Variants in WFDC5 observed in about 807,000 individuals in gnomAD.
The protein encoded by WFDC5 is WAP four-disulfide core domain protein 5.
Under a neutral mutation model 15.7 loss-of-function variants are expected in WFDC5, and 15 were observed. The ratio of observed to expected loss-of-function variants is 0.96; its 90% confidence interval spans 0.64 to 1.47. The LOEUF (loss-of-function observed/expected upper bound fraction) is 1.47. Among genes scored for constraint, WFDC5 ranks in the 40% most tolerant of loss-of-function variants. WFDC5 has a pLI of 0.00. For synonymous variants in WFDC5, 109 were observed against 107.7 expected (o/e 1.01, Z -0.07); for missense variants, 280 against 258.0 (o/e 1.09, Z -0.59).
intron 1 of WFDC5, among the ~76,000 whole-genome samples, chr20:45,112,688 A>G (rs912937388): frequency 2.6e-5 from 4 of 152,368 alleles, no homozygotes; most frequent in African/African-American, 9.6e-5. Flanking sequence ...ATACACACAT[A>G]GTCAAATACA....
exon 3 of WFDC5, chr20:45,110,428 G>A (rs145123781): frequency 7.6e-5 from 122 of 1,610,248 alleles, no homozygotes; most frequent in East Asian, 2.2e-4. Flanking sequence ...AATCCCGCCC[G>A]CAGGCGCTGT....
chr20:45,109,741 G>T, exon 4 of WFDC5: 1 of 718,566 alleles, frequency 1.4e-6, no homozygotes. Flanking sequence ...GTTAGGAAGG[G>T]TGGGAAGCTC....
At chr20:45,114,013 G>A (rs1047470529) in intron 1 of WFDC5, among the ~76,000 whole-genome samples, 1 of 152,176 alleles carries the variant, frequency 6.6e-6, no homozygotes, top group African/African-American at 2.4e-5. Context: ...GTCAGTCTTT[G>A]ACCTTGTTAA....
At chr20:45,111,199 T>C (rs143551330) in intron 1 of WFDC5, among the ~76,000 whole-genome samples, 6 of 152,264 alleles carry the variant, frequency 3.9e-5, no homozygotes, top group African/African-American at 1.2e-4. Flanking sequence ...TCCATGCGCC[T>C]GGTCAGCTCA....
intron 1 of WFDC5, among the ~76,000 whole-genome samples, chr20:45,113,466 G>A (rs1981675488): frequency 6.6e-6 from 1 of 152,232 alleles, no homozygotes; most frequent in Non-Finnish European, 1.5e-5. Context: ...CTTTGCCTCT[G>A]AGCAGCTGGG....
intron 3 of WFDC5, 62 bp from the exon 4 acceptor site, chr20:45,110,075 G>A (rs2145523437): frequency 6.3e-7 from 1 of 1,577,922 alleles, no homozygotes; most frequent in South Asian, 1.2e-5. Context: ...TTCTGGCCTT[G>A]GTCTCCCATC....
exon 4 of WFDC5, chr20:45,109,778 G>T (rs533983315): frequency 2.8e-6 from 2 of 723,026 alleles, no homozygotes; most frequent in Non-Finnish European, 5.1e-6. Context: ...GAGTACTGGG[G>T]TGATACAGAG....
rs751677563 is a variant in WFDC5, at chr20:45,114,983, G to A, written c.85+16C>T. 1.9e-6 allele frequency: 3 copies of A among 1,612,572 alleles called. No homozygotes were observed. Among genetic ancestry groups the A allele is most frequent in the African/African-American group, 2.7e-5 (2 of 74,886 alleles). On this transcript the variant is annotated intron_variant, in intron 1 of 3. Transcript: ENST00000307971. The stretch of plus-strand genomic sequence containing the variant: ...GACAATCTGGTCCCCCCAGCAGAGG[G>A]ATTTCCCGCACTCACCTCCCTTCTT...
chr20:45,110,867 C>A, intron 1 of WFDC5, 92 bp from the exon 2 acceptor site: 4 of 1,541,098 alleles, frequency 2.6e-6, no homozygotes, highest in Non-Finnish European at 3.5e-6. Context: ...AATTCTCCAT[C>A]CCTTGCTTTT....
exon 4 of WFDC5, chr20:45,109,755 T>G: frequency 1.4e-6 from 1 of 719,324 alleles, no homozygotes; most frequent in East Asian, 2.7e-5. Flanking sequence ...GAAGCTCGTA[T>G]GGCAGTGGTG....
At chr20:45,110,758 G>A in exon 2 of WFDC5, 1 of 1,614,092 alleles carries the variant, frequency 6.2e-7, no homozygotes, top group Non-Finnish European at 8.5e-7. Context: ...TCATCTGGCG[G>A]GCAGCCCCCC....
chr20:45,110,891 G>A, intron 1 of WFDC5, 116 bp from the exon 2 acceptor site: 1 of 1,395,428 alleles, frequency 7.2e-7, no homozygotes, highest in Non-Finnish European at 9.7e-7. Context: ...CTGTCTTTTG[G>A]CTAGTTGTTA....
chr20:45,114,858 CACAT>C, intron 1 of WFDC5, 137 bp downstream of exon 1: 1 of 803,742 alleles, frequency 1.2e-6, no homozygotes, highest in South Asian at 1.8e-5. Flanking sequence ...CAGGCATCCA[CACAT>C]ACACACACGC....
At chr20:45,109,616 A>G (rs1245067217) in exon 4 of WFDC5, 1 of 627,944 alleles carries the variant, frequency 1.6e-6, no homozygotes, top group Non-Finnish European at 2.9e-6. Context: ...ATGTTTGGAA[A>G]ACTCTGCAAG....
chr20:45,110,155 A>G (rs1296453452), intron 3 of WFDC5, 142 bp from the exon 4 acceptor site: 21 of 1,316,960 alleles, frequency 1.6e-5, no homozygotes, highest in Non-Finnish European at 1.8e-5. Flanking sequence ...AAGGGCAAAC[A>G]GAAGCCCAGA....
chr20:45,114,945 C>G, intron 1 of WFDC5, 54 bp downstream of exon 1: 4 of 1,591,290 alleles, frequency 2.5e-6, no homozygotes, highest in South Asian at 1.1e-5. Context: ...CTTACTCTCC[C>G]TAGAGAAGTA....
chr20:45,110,688 G>T (rs753722016), exon 2 of WFDC5: 2 of 1,614,180 alleles, frequency 1.2e-6, no homozygotes, highest in Non-Finnish European at 1.7e-6. Context: ...GCACTTCCTG[G>T]TCAAGGGACA....
At chr20:45,113,802 A>G (rs6017492) in intron 1 of WFDC5, among the ~76,000 whole-genome samples, 3,880 of 148,750 alleles carry the variant, frequency 0.026, 127 homozygotes, top group African/African-American at 0.079. Context: ...GGTAAAGTGA[A>G]TCTTTCTGAT....
chr20:45,116,252 G>A (rs1981757010), upstream of WFDC5, among the ~76,000 whole-genome samples: 1 of 152,096 alleles, frequency 6.6e-6, no homozygotes, highest in African/African-American at 2.4e-5. Context: ...TGTCTTCTAA[G>A]CTATTAAGAT....
Sources: allele counts gnomAD v4.1 joint callset (sites outside exome capture counted in the v4.1 genomes callset), GRCh38; gene constraint gnomAD v4.1.1; transcripts MANE v1.5; gene names NCBI Gene and HGNC (gene_info 2026-07-23, HGNC 2026-07-21).